CFAP92: variants seen among roughly 807,000 people sequenced by gnomAD.
The protein encoded by CFAP92 is uncharacterized protein CFAP92.
Under a neutral mutation model 106.3 loss-of-function variants are expected in CFAP92, and 86 were observed. The observed-to-expected ratio is 0.81, with a 90% CI of 0.68 to 0.97. The LOEUF (loss-of-function observed/expected upper bound fraction) is 0.97. Among genes scored for constraint, CFAP92 ranks in the 50% least tolerant of loss-of-function variants. CFAP92 has a pLI of 0.00. For synonymous variants in CFAP92, 477 were observed against 506.4 expected, an observed-to-expected ratio of 0.94 and a Z score of 0.78; for missense variants, 1,204 against 1,283.8, an observed-to-expected ratio of 0.94 and a Z score of 0.95.
chr3:128,951,789 A>G (rs1336999250), intron 9 of CFAP92, among the ~76,000 whole-genome samples: 4 of 152,168 alleles, frequency 2.6e-5, no homozygotes, highest in African/African-American at 9.7e-5. Flanking sequence ...CCCCAGAAAC[A>G]AAGGCTACAT....
intron 4 of CFAP92, 143 bp from the exon 5 acceptor site, chr3:128,978,328 C>A (rs1943294790): frequency 4.0e-6 from 3 of 756,740 alleles, no homozygotes; most frequent in Non-Finnish European, 6.3e-6. Flanking sequence ...GTGAGTCATA[C>A]ATTATCTTCC....
intron 9 of CFAP92, among the ~76,000 whole-genome samples, chr3:128,964,962 TCAGGCCTCTGAGCCCAGGC>T (rs1412103910): frequency 2.6e-5 from 4 of 152,218 alleles, no homozygotes; most frequent in Non-Finnish European, 5.9e-5. Context: ...GGCAGGAATG[TCAGGCCTCTGAGCCCAGGC>T]CAGGCCATCA....
intron 12 of CFAP92, among the ~76,000 whole-genome samples, chr3:128,924,329 G>T (rs1483219788): frequency 1.3e-5 from 2 of 151,598 alleles, no homozygotes; most frequent in Non-Finnish European, 2.9e-5. Flanking sequence ...GGCTTGGATG[G>T]AATCCAGGGC....
the CFAP92 span, among the ~76,000 whole-genome samples, chr3:129,022,233 G>A: frequency 3.3e-5 from 5 of 152,204 alleles, no homozygotes; most frequent in Non-Finnish European, 7.3e-5. Flanking sequence ...GGACCGCCAG[G>A]CCCAGCTAGC....
intron 9 of CFAP92, among the ~76,000 whole-genome samples, chr3:128,964,732 C>T (rs577408081): frequency 3.5e-4 from 52 of 148,948 alleles, no homozygotes; most frequent in South Asian, 1.7e-3. Context: ...TCATTCTATA[C>T]GACAAATGTT....
At chr3:128,939,752 A>T (rs1340892945) in intron 10 of CFAP92, among the ~76,000 whole-genome samples, 1 of 152,172 alleles carries the variant, frequency 6.6e-6, no homozygotes, top group African/African-American at 2.4e-5. Flanking sequence ...GGATGATTTC[A>T]GGATGAAACT....
intron 9 of CFAP92, among the ~76,000 whole-genome samples, chr3:128,950,112 GCA>G (rs1940635558): frequency 6.6e-6 from 1 of 152,208 alleles, no homozygotes; most frequent in African/African-American, 2.4e-5. Flanking sequence ...ATAGTTGAGG[GCA>G]TCTGTGCCGT....
chr3:128,967,253 C>G (rs1942442222), intron 8 of CFAP92: 1 of 152,204 alleles, frequency 6.6e-6, no homozygotes, highest in African/African-American at 2.4e-5. Context: ...CAGGTGTGCA[C>G]AGCCATCTGC....
intron 9 of CFAP92, among the ~76,000 whole-genome samples, chr3:128,963,641 G>T (rs1414199573): frequency 2.7e-5 from 4 of 149,910 alleles, no homozygotes; most frequent in East Asian, 2.0e-4. Context: ...CTTCTTTCCT[G>T]TTCCTCACCC....
intron 9 of CFAP92, among the ~76,000 whole-genome samples, chr3:128,956,063 G>A (rs1434470952): frequency 1.0e-5 from 1 of 95,946 alleles, no homozygotes; most frequent in Non-Finnish European, 1.9e-5. Flanking sequence ...CCTCTGCCTA[G>A]GAAAACCAGA....
At chr3:128,989,517 C>T (rs1221477430) in intron 2 of CFAP92, among the ~76,000 whole-genome samples, 3 of 151,958 alleles carry the variant, frequency 2.0e-5, no homozygotes, top group Admixed American at 2.0e-4. Flanking sequence ...CTACCCAATG[C>T]GGGGTGGATA....
At chr3:128,934,457 G>A (rs1316576890) in intron 11 of CFAP92, among the ~76,000 whole-genome samples, 1 of 152,118 alleles carries the variant, frequency 6.6e-6, no homozygotes, top group Non-Finnish European at 1.5e-5. Flanking sequence ...GACCTCAGGT[G>A]ATCCACCCGC....
At chr3:128,928,265 T>C (rs892376841) in intron 12 of CFAP92, among the ~76,000 whole-genome samples, 11 of 151,948 alleles carry the variant, frequency 7.2e-5, no homozygotes, top group Non-Finnish European at 1.6e-4. Context: ...AAAAAATAAA[T>C]AAACAAAATC....
At chr3:129,018,911 T>C in the CFAP92 span, among the ~76,000 whole-genome samples, 1 of 152,112 alleles carries the variant, frequency 6.6e-6, no homozygotes, top group Non-Finnish European at 1.5e-5. Context: ...TGCGAGTGCA[T>C]CTTCTGGCTG....
chr3:129,011,288 C>T, the CFAP92 span, among the ~76,000 whole-genome samples: 8 of 152,256 alleles, frequency 5.3e-5, no homozygotes, highest in Admixed American at 2.0e-4. Flanking sequence ...TGGTGGCTCA[C>T]GCCTGTAATC....
intron 4 of CFAP92, among the ~76,000 whole-genome samples, chr3:128,986,414 A>AT (rs942737048): frequency 2.0e-5 from 3 of 151,832 alleles, no homozygotes; most frequent in Non-Finnish European, 2.9e-5. Flanking sequence ...TGATTTTTAA[A>AT]TTTTTTATAG....
chr3:128,915,989 T>C (rs1936785494), intron 13 of CFAP92, 118 bp downstream of exon 13: 1 of 660,426 alleles, frequency 1.5e-6, no homozygotes, highest in South Asian at 8.1e-5. Context: ...CTACTTCCCC[T>C]AGCTGATTGG....
the CFAP92 span, among the ~76,000 whole-genome samples, chr3:129,017,950 A>C: frequency 6.6e-6 from 1 of 152,214 alleles, no homozygotes; most frequent in Non-Finnish European, 1.5e-5. Context: ...CCAGCCAGGA[A>C]GTTATGGCTG....
At chr3:129,014,779 C>G in the CFAP92 span, among the ~76,000 whole-genome samples, 1 of 152,164 alleles carries the variant, frequency 6.6e-6, no homozygotes, top group Non-Finnish European at 1.5e-5. This position sits in a 1 kb window ranked among gnomAD's most constrained non-coding sequence, Gnocchi z 4.3. Flanking sequence ...GGGCTGGGCA[C>G]AAGCTTGGCT....
Sources: gnomAD v4.1 joint callset for allele counts (sites outside exome capture counted in the v4.1 genomes callset) on GRCh38, gnomAD v4.1.1 for gene constraint, Gnocchi (gnomAD v3.1) non-coding constraint, MANE v1.5 for transcripts, NCBI Gene and HGNC (gene_info 2026-07-23, HGNC 2026-07-21) for gene names.